Variants in ARHGAP24 observed in about 807,000 individuals in gnomAD.
ARHGAP24 encodes the protein Rho GTPase activating protein 24.
ARHGAP24 carries 50 observed loss-of-function variants against 76.4 expected under a neutral mutation model. That is an observed-to-expected ratio of 0.65 (90% CI 0.52 to 0.83). The LOEUF is 0.83. Ranked by LOEUF, ARHGAP24 falls within the 40% of genes least tolerant of loss-of-function variation. The pLI, the probability that ARHGAP24 is intolerant of heterozygous loss-of-function variation, is 0.00. For missense variants in ARHGAP24, 930 were observed against 914.2 expected, an observed-to-expected ratio of 1.02 and a Z score of -0.22; for synonymous variants, 345 against 323.3, an observed-to-expected ratio of 1.07 and a Z score of -0.72.
At chr4:85,871,244 G>T (rs185527011) in intron 3 of ARHGAP24, among the ~76,000 whole-genome samples, 3 of 152,020 alleles carry the variant, frequency 2.0e-5, no homozygotes, top group East Asian at 3.9e-4. Flanking sequence ...TTATTTAGGA[G>T]AAATAATACA....
intron 5 of ARHGAP24, among the ~76,000 whole-genome samples, chr4:85,946,287 T>A (rs1737261280): frequency 6.6e-6 from 1 of 152,256 alleles, no homozygotes; most frequent in South Asian, 2.1e-4. Context: ...TCTTTTTATT[T>A]AAAATGTATA....
At chr4:85,664,924 T>G (rs1425605631) in intron 2 of ARHGAP24, among the ~76,000 whole-genome samples, 3 of 152,328 alleles carry the variant, frequency 2.0e-5, no homozygotes, top group Middle Eastern at 6.8e-3. Context: ...AGGAGAGCTT[T>G]GCTTCCAACT....
intron 3 of ARHGAP24, among the ~76,000 whole-genome samples, chr4:85,849,880 G>A (rs1277660111): frequency 6.6e-6 from 1 of 152,094 alleles, no homozygotes; most frequent in African/African-American, 2.4e-5. Context: ...TTGCATCGAT[G>A]TTCATCGGGG....
intron 8 of ARHGAP24, among the ~76,000 whole-genome samples, chr4:85,993,585 G>C (rs1740465744): frequency 6.6e-6 from 1 of 152,174 alleles, no homozygotes; most frequent in Admixed American, 6.5e-5. Context: ...CTCCCTGACA[G>C]CCTCTCAATT....
chr4:85,590,188 GCCTGCCTT>G (rs1301292055), intron 2 of ARHGAP24, among the ~76,000 whole-genome samples: 1,795 of 111,926 alleles, frequency 0.016, 4 homozygotes, highest in African/African-American at 0.021. Flanking sequence ...CTGCCTGCCT[GCCTGCCTT>G]CCTTCCTTCC....
chr4:85,811,097 C>G (rs1249021262), intron 3 of ARHGAP24, among the ~76,000 whole-genome samples: 1 of 152,002 alleles, frequency 6.6e-6, no homozygotes, highest in Non-Finnish European at 1.5e-5. Context: ...AACTTAATGA[C>G]AAGATAGGGA....
chr4:85,516,090 T>A (rs1250528567), intron 1 of ARHGAP24, among the ~76,000 whole-genome samples: 1 of 152,162 alleles, frequency 6.6e-6, no homozygotes, highest in Non-Finnish European at 1.5e-5. Context: ...GGTCTGCTGG[T>A]TTTCTGCAGG....
At chr4:85,553,517 T>C (rs923673732) in intron 1 of ARHGAP24, among the ~76,000 whole-genome samples, 1 of 152,086 alleles carries the variant, frequency 6.6e-6, no homozygotes, top group Non-Finnish European at 1.5e-5. Flanking sequence ...GCATTTACAA[T>C]CCTTTAGCTA....
intron 3 of ARHGAP24, among the ~76,000 whole-genome samples, chr4:85,863,603 T>G (rs1732022635): frequency 6.6e-6 from 1 of 152,060 alleles, no homozygotes; most frequent in African/African-American, 2.4e-5. Context: ...CTTAGGGCGA[T>G]TATTTACCAT....
intron 2 of ARHGAP24, among the ~76,000 whole-genome samples, chr4:85,579,772 C>T (rs538435396): frequency 1.3e-5 from 2 of 152,220 alleles, no homozygotes; most frequent in South Asian, 4.2e-4. Context: ...CATGTTGTAA[C>T]ATGCTATCAG....
intron 9 of ARHGAP24, among the ~76,000 whole-genome samples, chr4:85,998,189 A>G (rs1169124376): frequency 1.3e-5 from 2 of 152,178 alleles, no homozygotes; most frequent in Non-Finnish European, 2.9e-5. Context: ...TCCTATCAGT[A>G]TTCTGAGTTT....
intron 5 of ARHGAP24, among the ~76,000 whole-genome samples, chr4:85,945,709 G>A (rs1308043142): frequency 1.4e-5 from 2 of 146,254 alleles, no homozygotes; most frequent in Admixed American, 6.9e-5. Context: ...GCAGTGAGCC[G>A]AGATCAGGCC....
intron 5 of ARHGAP24, 146 bp downstream of exon 5, chr4:85,942,419 C>A: frequency 2.0e-6 from 2 of 984,578 alleles, no homozygotes; most frequent in Non-Finnish European, 1.5e-6. Context: ...TGCATTGTTT[C>A]TATTAAGTTA....
At chr4:85,764,573 T>TGAAACAG (rs1194937696) in intron 3 of ARHGAP24, among the ~76,000 whole-genome samples, 9 of 152,166 alleles carry the variant, frequency 5.9e-5, no homozygotes, top group African/African-American at 9.7e-5. Context: ...TTGTTAGTGT[T>TGAAACAG]GAGCTGTTTA....
At chr4:85,537,234 C>A (rs1302520656) in intron 1 of ARHGAP24, among the ~76,000 whole-genome samples, 1 of 152,078 alleles carries the variant, frequency 6.6e-6, no homozygotes, top group Admixed American at 6.5e-5. Context: ...CGATTCTTGA[C>A]CTTGAGAGGT....
intron 8 of ARHGAP24, among the ~76,000 whole-genome samples, chr4:85,985,395 A>G (rs1404878145): frequency 5.9e-5 from 9 of 152,100 alleles, no homozygotes; most frequent in Non-Finnish European, 1.0e-4. Flanking sequence ...AAAACCAAAT[A>G]CCTCATGTTC....
chr4:85,752,384 C>A (rs542673218), intron 3 of ARHGAP24, among the ~76,000 whole-genome samples: 131 of 152,194 alleles, frequency 8.6e-4, no homozygotes, highest in African/African-American at 2.9e-3. Flanking sequence ...CAGAGAGAAC[C>A]CCACAACTCC....
rs73833407 is a variant in ARHGAP24 at position 85,734,241 on chromosome 4, C to G, written c.268+12269C>G. Among the ~76,000 whole-genome samples, 1,522 of 152,234 alleles carry G rather than the reference C, an allele frequency of 1.0e-2. 26 individuals carry two copies. Among genetic ancestry groups the G allele is most frequent in the African/African-American group, 0.034 (1,419 of 41,536 alleles). On this transcript the variant is annotated intron_variant, in intron 3 of 9. Coordinates refer to ENST00000395184, the MANE Select transcript of ARHGAP24 (RefSeq NM_001025616.3). ...CTAGCTATTTTTCCTGAAAATTGAC[C>G]TTGGATTTAAAACTCTCTTCAATTT...
chr4:85,776,779 G>C (rs1727323361), intron 3 of ARHGAP24, among the ~76,000 whole-genome samples: 1 of 151,972 alleles, frequency 6.6e-6, no homozygotes, highest in African/African-American at 2.4e-5. Flanking sequence ...GAATCACCTT[G>C]ACTCATTCCA....
Sources: gnomAD v4.1 joint callset for allele counts (sites outside exome capture counted in the v4.1 genomes callset) on GRCh38, gnomAD v4.1.1 for gene constraint, MANE v1.5 for transcripts, NCBI Gene and HGNC (gene_info 2026-07-23, HGNC 2026-07-21) for gene names.